Variants in PDE1C observed in about 807,000 individuals in gnomAD.
PDE1C encodes dual specificity calcium/calmodulin-dependent 3',5'-cyclic nucleotide phosphodiesterase 1C.
A neutral mutation model predicts 93.1 loss-of-function variants in PDE1C; 62 were observed. The ratio of observed to expected loss-of-function variants is 0.67; its 90% CI spans 0.54 to 0.82. The LOEUF is 0.82. Among genes scored for constraint, PDE1C ranks in the 40% least tolerant of loss-of-function variants. The pLI is 0.00. For missense variants in PDE1C, 742 were observed against 884.6 expected (o/e 0.84, Z 2.04); for synonymous variants, 325 against 310.1 (o/e 1.05, Z -0.50).
chr7:32,231,958 TACACAC>T (rs920777957), intron 1 of PDE1C, among the ~76,000 whole-genome samples: 1 of 55,838 alleles, frequency 1.8e-5, no homozygotes, highest in African/African-American at 1.2e-4. Flanking sequence ...AATATGTGTA[TACACAC>T]ACACACACAC....
At chr7:31,961,588 G>A (rs953352419) in intron 2 of PDE1C, among the ~76,000 whole-genome samples, 11 of 152,074 alleles carry the variant, frequency 7.2e-5, no homozygotes, top group Admixed American at 1.3e-4. Flanking sequence ...GTAAGGAGAC[G>A]GGTTGATTAG....
intron 1 of PDE1C, among the ~76,000 whole-genome samples, chr7:32,391,982 C>T (rs529737072): frequency 1.7e-4 from 26 of 151,220 alleles, no homozygotes; most frequent in Admixed American, 8.6e-4. Flanking sequence ...AAGATTAGAG[C>T]GAAATATCCA....
chr7:32,197,124 A>C (rs185292774), intron 2 of PDE1C, among the ~76,000 whole-genome samples: 21 of 152,280 alleles, frequency 1.4e-4, no homozygotes, highest in African/African-American at 5.1e-4. Flanking sequence ...AATTCAGAGA[A>C]TGGGATGCTA....
At chr7:31,788,010 T>C (rs1270807154) in intron 16 of PDE1C, 3 of 152,228 alleles carry the variant, frequency 2.0e-5, no homozygotes, top group African/African-American at 7.2e-5. Context: ...CTGAGAGTTT[T>C]AGGTGAAGTT....
At chr7:31,992,359 T>C (rs1185141153) in intron 2 of PDE1C, among the ~76,000 whole-genome samples, 1 of 152,214 alleles carries the variant, frequency 6.6e-6, no homozygotes, top group Non-Finnish European at 1.5e-5. Context: ...CACCAGTACC[T>C]GGTGTTTCCA....
chr7:32,412,908 G>GAA (rs60534477), intron 1 of PDE1C, among the ~76,000 whole-genome samples: 10 of 151,212 alleles, frequency 6.6e-5, no homozygotes, highest in Non-Finnish European at 1.0e-4. Flanking sequence ...ACATAGCACG[G>GAA]AAAAAAAAAT....
chr7:31,650,593 G>A, the PDE1C span, among the ~76,000 whole-genome samples: 1 of 152,130 alleles, frequency 6.6e-6, no homozygotes, highest in Non-Finnish European at 1.5e-5. Context: ...CTTCCTCAGG[G>A]TGGGCTTGTT....
intron 1 of PDE1C, among the ~76,000 whole-genome samples, chr7:32,342,958 A>T (rs1337572891): frequency 6.6e-6 from 1 of 152,190 alleles, no homozygotes; most frequent in East Asian, 1.9e-4. Context: ...AATATGCATC[A>T]TTATCAAAGG....
chr7:32,101,777 A>G (rs933167506), intron 3 of PDE1C, among the ~76,000 whole-genome samples: 1 of 152,226 alleles, frequency 6.6e-6, no homozygotes, highest in Non-Finnish European at 1.5e-5. Context: ...ACAGACTAAC[A>G]TAGAAAATTG....
Position 32,196,609 on chromosome 7 carries a change from A to G in PDE1C, c.136+12880T>C, listed in dbSNP as rs112233475. Among the ~76,000 whole-genome samples, 383 of 152,278 alleles carry G rather than the reference A, an allele frequency of 2.5e-3. 3 individuals carry two copies. Among genetic ancestry groups the G allele is most frequent in the African/African-American group, 8.9e-3 (368 of 41,562 alleles). ...TTGTAATTCATGGGAAAAATAGGAA[A>G]ATGTATGTCTATTTTATCTTCCTAG... On this transcript the variant is annotated intron_variant, in intron 2 of 18. Transcript: ENST00000396193.
At chr7:31,820,089 C>T (rs12701140) in intron 14 of PDE1C, among the ~76,000 whole-genome samples, 26,663 of 151,832 alleles carry the variant, frequency 0.18, 2,595 homozygotes, top group Middle Eastern at 0.26. Context: ...AATATGTAAA[C>T]GAATCATATA....
the PDE1C span, chr7:31,653,688 C>T: frequency 6.6e-6 from 1 of 152,150 alleles, no homozygotes; most frequent in Non-Finnish European, 1.5e-5. Flanking sequence ...GATGCAGCTC[C>T]TAACTTGACT....
At chr7:31,880,902 A>T (rs1316439246) in intron 2 of PDE1C, 42 bp from the exon 3 acceptor site, 2 of 1,169,664 alleles carry the variant, frequency 1.7e-6, no homozygotes, top group South Asian at 2.5e-5. Context: ...AATAGAGGAA[A>T]CAAAGAATAA....
chr7:32,086,702 A>G (rs1457979885), intron 3 of PDE1C, among the ~76,000 whole-genome samples: 1 of 152,232 alleles, frequency 6.6e-6, no homozygotes, highest in Admixed American at 6.5e-5. Flanking sequence ...ATAACACCGC[A>G]TATCTACAAC....
rs142250243 is a variant in PDE1C, at chr7:32,246,217, C to T, written c.86-36678G>A. On this transcript the variant is annotated intron_variant, in intron 1 of 18. Coordinates refer to the PDE1C transcript ENST00000396193. ...TTCCTGGGCTCGAGCAATCCTCTTGCCTTGGCCCCCCAAAGTGCTGGGATT... is the reference window on the plus strand; with the variant it reads ...TTCCTGGGCTCGAGCAATCCTCTTGTCTTGGCCCCCCAAAGTGCTGGGATT... Among the ~76,000 whole-genome samples, 902 of 152,196 alleles carry T rather than the reference C, an allele frequency of 5.9e-3. 4 individuals carry two copies. Among genetic ancestry groups the T allele is most frequent in the Non-Finnish European group, 9.7e-3 (662 of 68,012 alleles).
At chr7:31,642,928 C>T in the PDE1C span, 1 of 1,614,014 alleles carries the variant, frequency 6.2e-7, no homozygotes, top group Non-Finnish European at 8.5e-7. Context: ...GCTGTATATC[C>T]CAGACATGGC....
chr7:31,864,036 T>C (rs1239237263), intron 7 of PDE1C, among the ~76,000 whole-genome samples: 1 of 152,216 alleles, frequency 6.6e-6, no homozygotes, highest in Admixed American at 6.5e-5. Context: ...ACCCAAAGTA[T>C]GTCTATCTTA....
chr7:32,195,425 T>G (rs997888321), intron 2 of PDE1C, among the ~76,000 whole-genome samples: 4 of 152,216 alleles, frequency 2.6e-5, no homozygotes, highest in Admixed American at 6.5e-5. Context: ...GTTCTACCCT[T>G]TTAGCACTTG....
intron 2 of PDE1C, among the ~76,000 whole-genome samples, chr7:32,039,373 T>C (rs1791531523): frequency 1.3e-5 from 2 of 152,234 alleles, no homozygotes; most frequent in African/African-American, 4.8e-5. Flanking sequence ...TCACAGTCCA[T>C]ATTGCTCACA....
Sources: gnomAD v4.1 joint callset for allele counts (sites outside exome capture counted in the v4.1 genomes callset) on GRCh38, gnomAD v4.1.1 for gene constraint, MANE v1.5 for transcripts, NCBI Gene and HGNC (gene_info 2026-07-23, HGNC 2026-07-21) for gene names.